DMD: variants seen among roughly 807,000 people sequenced by gnomAD.
The protein encoded by DMD is dystrophin, also known as mutant dystrophin.
Under a neutral mutation model 330.1 loss-of-function variants are expected in DMD, and 63 were observed. The observed-to-expected ratio is 0.19, with a 90% CI of 0.16 to 0.24. DMD has a LOEUF of 0.24. DMD is among the 10% of genes least tolerant of loss of function. The pLI is 1.00. For missense variants in DMD, 3,344 were observed against 2,684.1 expected (o/e 1.25, Z -5.43); for synonymous variants, 1,223 against 959.8 (o/e 1.27, Z -5.07).
chrX:32,566,036 A>G (rs2051670846), intron 15 of DMD, among the ~76,000 whole-genome samples, 155 bp from the exon 16 acceptor site: 1 of 112,226 alleles, frequency 8.9e-6, no homozygotes, highest in Non-Finnish European at 1.9e-5. Context: ...AAATAGAGGT[A>G]GAAAGTTATA....
intron 1 of DMD, among the ~76,000 whole-genome samples, chrX:33,288,246 A>G (rs2053462630): frequency 1.8e-5 from 2 of 111,529 alleles, no homozygotes; most frequent in Admixed American, 1.9e-4. Context: ...CAGATCTCAC[A>G]TTGGGCCTTT....
chrX:31,291,393 T>C (rs2053682703), intron 62 of DMD, among the ~76,000 whole-genome samples: 1 of 111,912 alleles, frequency 8.9e-6, no homozygotes, highest in South Asian at 3.7e-4. Flanking sequence ...GAGCCACCAT[T>C]CTATAACGGC....
chrX:32,402,718 C>G lies in DMD; in HGVS notation c.4233+9034G>C, dbSNP rs532288312. On this transcript the variant is annotated intron_variant, in intron 30 of 78. Coordinates refer to ENST00000357033, the MANE Select transcript of DMD (RefSeq NM_004006.3). ...TTCATGTGAAGAGTTCCATTTTATACTATTCAAAGTATTTTGGAAAGGTTT... is the reference window on the plus strand; with the variant it reads ...TTCATGTGAAGAGTTCCATTTTATAGTATTCAAAGTATTTTGGAAAGGTTT... Among the ~76,000 whole-genome samples, 34 of 111,493 alleles carry G rather than the reference C, an allele frequency of 3.0e-4. 1 individual carries two copies. In the South Asian group the frequency reaches 0.01, roughly 33 times the overall value.
chrX:31,817,750 C>T (rs2092668649), intron 50 of DMD, among the ~76,000 whole-genome samples: 1 of 111,356 alleles, frequency 9.0e-6, no homozygotes, highest in South Asian at 3.8e-4. Flanking sequence ...GGAAGTAGGG[C>T]AGTGCTATGA....
chrX:31,657,484 C>T (rs574767391), intron 54 of DMD, among the ~76,000 whole-genome samples: 22 of 111,604 alleles, frequency 2.0e-4, no homozygotes, highest in South Asian at 1.1e-3. Flanking sequence ...TGTCTATAAG[C>T]GCTGTTAATT....
intron 60 of DMD, among the ~76,000 whole-genome samples, chrX:31,392,083 G>T (rs751385123): frequency 8.9e-6 from 1 of 112,034 alleles, no homozygotes; most frequent in East Asian, 2.8e-4. Flanking sequence ...TCCCTTGCAG[G>T]TAGATGCAGC....
intron 64 of DMD, among the ~76,000 whole-genome samples, chrX:31,222,404 A>AAC (rs1556318745): frequency 2.0e-4 from 21 of 105,900 alleles, no homozygotes; most frequent in Non-Finnish European, 3.9e-4. Context: ...AAAAAAAAAA[A>AAC]AAAAAAAAAA....
chrX:33,089,396 C>T (rs1335246479), intron 1 of DMD, among the ~76,000 whole-genome samples: 1 of 110,758 alleles, frequency 9.0e-6, no homozygotes, highest in Non-Finnish European at 1.9e-5. Flanking sequence ...ATTGCTCCAG[C>T]TTTACAAAAT....
At chrX:32,769,616 G>A (rs761324655) in intron 7 of DMD, among the ~76,000 whole-genome samples, 1 of 111,767 alleles carries the variant, frequency 8.9e-6, no homozygotes, top group African/African-American at 3.2e-5. Flanking sequence ...ATCACACTTT[G>A]TTTCTGATGA....
intron 11 of DMD, among the ~76,000 whole-genome samples, chrX:32,637,168 T>A (rs1016594874): frequency 9.0e-6 from 1 of 111,519 alleles, no homozygotes; most frequent in African/African-American, 3.3e-5. Flanking sequence ...GTTTAAATTA[T>A]CTCTAGTAAG....
At chrX:31,213,397 G>C (rs772162435) in intron 64 of DMD, among the ~76,000 whole-genome samples, 3 of 112,438 alleles carry the variant, frequency 2.7e-5, no homozygotes, top group Non-Finnish European at 5.6e-5. Context: ...CACTGAGTTT[G>C]AGGCTGGTTA....
chrX:32,448,660 C>A lies in DMD; in HGVS notation c.3604-22G>T, dbSNP rs762461400. 1.6e-5 allele frequency: 19 copies of A among 1,157,797 alleles called. 1 individual carries two copies. The South Asian group carries it at 3.7e-4, about 23-fold the overall frequency. The stretch of plus-strand genomic sequence containing the variant: ...CTCTCTGAAAAATAAAGAATGCTCT[C>A]TTAATAGCATGAAAATAACTTTACA... On this transcript the variant is annotated intron_variant, in intron 26 of 78. Coordinates refer to ENST00000357033, the MANE Select transcript of DMD (RefSeq NM_004006.3).
intron 59 of DMD, among the ~76,000 whole-genome samples, chrX:31,454,913 T>A (rs950185916): frequency 9.8e-6 from 1 of 102,526 alleles, no homozygotes; most frequent in African/African-American, 3.4e-5. Flanking sequence ...ACCACTGGCA[T>A]TGATATATAT....
chrX:32,910,420 T>C (rs1025891552), intron 2 of DMD, among the ~76,000 whole-genome samples: 1 of 111,301 alleles, frequency 9.0e-6, no homozygotes, highest in Non-Finnish European at 1.9e-5. Flanking sequence ...ACCCCTAGAA[T>C]GCAATTTCTT....
At chrX:32,408,010 T>C (rs1205169494) in intron 30 of DMD, among the ~76,000 whole-genome samples, 1 of 103,862 alleles carries the variant, frequency 9.6e-6, no homozygotes, top group Non-Finnish European at 2.0e-5. Flanking sequence ...CATTAGGAGA[T>C]ATACCTAATG....
chrX:31,444,364 C>G (rs2065138739), intron 60 of DMD, 117 bp downstream of exon 60: 1 of 816,095 alleles, frequency 1.2e-6, no homozygotes, highest in Non-Finnish European at 1.8e-6. Flanking sequence ...AATATCCTAT[C>G]CTCACAAATA....
At chrX:32,374,941 T>C (rs2097895616) in intron 34 of DMD, among the ~76,000 whole-genome samples, 1 of 111,711 alleles carries the variant, frequency 9.0e-6, no homozygotes, top group Non-Finnish European at 1.9e-5. Context: ...GTTTTCTTGT[T>C]TACAAAAAGG....
chrX:33,306,383 G>A (rs1448515778), intron 1 of DMD, among the ~76,000 whole-genome samples: 1 of 111,899 alleles, frequency 8.9e-6, no homozygotes, highest in East Asian at 2.8e-4. Flanking sequence ...TTATAACAAG[G>A]AACAGAAATA....
At chrX:32,621,010 C>T (rs952361191) in intron 11 of DMD, among the ~76,000 whole-genome samples, 4 of 111,006 alleles carry the variant, frequency 3.6e-5, no homozygotes, top group African/African-American at 9.8e-5. Context: ...CCAACACAGC[C>T]CCTTGCTATC....
Sources: gnomAD v4.1 joint callset for allele counts (sites outside exome capture counted in the v4.1 genomes callset) on GRCh38, gnomAD v4.1.1 for gene constraint, MANE v1.5 for transcripts, NCBI Gene and HGNC (gene_info 2026-07-23, HGNC 2026-07-21) for gene names.